The following TET2 variants were observed in gnomAD, a reference collection of about 807,000 sequenced individuals.
TET2 encodes methylcytosine dioxygenase TET2.
Under a neutral mutation model 142.9 loss-of-function variants are expected in TET2, and 299 were observed. The observed-to-expected ratio is 2.09, with a 90% CI of 1.90 to 2.30. The LOEUF is 2.30. Ranked by LOEUF, TET2 falls within the 30% of genes most tolerant of loss-of-function variation. The pLI is 0.00. For synonymous variants in TET2, 819 were observed against 849.0 expected (o/e 0.96, Z 0.61); for missense variants, 2,418 against 2,378.0 (o/e 1.02, Z -0.35).
At chr4:105,197,555 G>C (rs1031454684) in intron 2 of TET2, among the ~76,000 whole-genome samples, 1 of 152,178 alleles carries the variant, frequency 6.6e-6, no homozygotes, top group Non-Finnish European at 1.5e-5. Context: ...ATGTGGCTGA[G>C]AATGGATGCA....
intron 3 of TET2, chr4:105,240,972 CAGTTA>C (rs765873568): frequency 1.6e-4 from 178 of 1,084,100 alleles, no homozygotes; most frequent in Non-Finnish European, 1.7e-4. Context: ...GGTAGGCTTC[CAGTTA>C]GCTTTAAATG....
rs1728879662 is a variant in TET2 at position 105,236,160 on chromosome 4, C to T, written c.2218C>T (p.Gln740Ter). Residue 740 changes from glutamine (Q) to a stop codon, truncating the protein, a stop_gained, in exon 3 of 11, where the codon CAA becomes TAA. Coordinates refer to ENST00000380013, the MANE Select transcript of TET2 (RefSeq NM_001127208.3). LOFTEE classifies it high-confidence loss of function. ...TQPSQSSHLP[Q>*]NQQQQQKLQI... is the part of the protein sequence containing the mutation. ...ACCATCCCAGAGTTCACATCTCCCTCAAAACCAGCAACAGCAGCAAAAATT... is the reference window on the plus strand; with the variant it reads ...ACCATCCCAGAGTTCACATCTCCCTTAAAACCAGCAACAGCAGCAAAAATT... 2 of 1,614,074 alleles carry T rather than the reference C, an allele frequency of 1.2e-6. No individual in the cohort carries two copies. Among genetic ancestry groups the T allele is most frequent in the Non-Finnish European group, 1.7e-6 (2 of 1,179,990 alleles).
intron 8 of TET2, among the ~76,000 whole-genome samples, chr4:105,262,236 A>G (rs1730471116): frequency 2.0e-5 from 3 of 152,224 alleles, no homozygotes; most frequent in African/African-American, 7.2e-5. Flanking sequence ...GAATTTATAG[A>G]CTTACAAATA....
chr4:105,198,997 G>A lies in TET2; in HGVS notation c.-47+8492G>A, dbSNP rs1286837074. On this transcript the variant is annotated intron_variant, in intron 2 of 10. Coordinates refer to ENST00000380013, the MANE Select transcript of TET2 (RefSeq NM_001127208.3). ...ATTAAATGTGTTGCAGTTGAGAGTTGTGAGGTTTTAGCTATTTGGAAACTT... is the reference window on the plus strand; with the variant it reads ...ATTAAATGTGTTGCAGTTGAGAGTTATGAGGTTTTAGCTATTTGGAAACTT... Among the ~76,000 whole-genome samples, 3 of 152,210 alleles carry A rather than the reference G, an allele frequency of 2.0e-5. No homozygotes were observed. In the East Asian group the frequency reaches 5.8e-4, roughly 29 times the overall value.
chr4:105,224,684 GTCTCTCTC>G (rs34870510), intron 2 of TET2, among the ~76,000 whole-genome samples: 3,355 of 108,138 alleles, frequency 0.031, 148 homozygotes, highest in East Asian at 0.19. Context: ...ATATCAGCCA[GTCTCTCTC>G]TCTCTCTCTC....
intron 1 of TET2, among the ~76,000 whole-genome samples, chr4:105,166,679 T>G (rs1337462940): frequency 6.6e-6 from 1 of 152,060 alleles, no homozygotes; most frequent in Non-Finnish European, 1.5e-5. Flanking sequence ...CCAAAATGCC[T>G]TATATTTTTC....
chr4:105,207,669 G>C (rs1221922770), intron 2 of TET2, among the ~76,000 whole-genome samples: 1 of 152,156 alleles, frequency 6.6e-6, no homozygotes, highest in Non-Finnish European at 1.5e-5. Flanking sequence ...CTATACTGCT[G>C]TGGAAGTCAT....
chr4:105,211,490 G>A (rs1727158287), intron 2 of TET2, among the ~76,000 whole-genome samples: 1 of 152,166 alleles, frequency 6.6e-6, no homozygotes, highest in African/African-American at 2.4e-5. Context: ...CCCCTGAGGT[G>A]ACCAGCATTT....
At chr4:105,216,703 C>T (rs1289276954) in intron 2 of TET2, among the ~76,000 whole-genome samples, 1 of 151,882 alleles carries the variant, frequency 6.6e-6, no homozygotes, top group East Asian at 1.9e-4. Context: ...TGTTTTTGTT[C>T]TATGAAAAAT....
intron 7 of TET2, among the ~76,000 whole-genome samples, chr4:105,261,069 A>G (rs1292457501): frequency 6.6e-6 from 1 of 151,918 alleles, no homozygotes; most frequent in East Asian, 1.9e-4. Context: ...ATGTCTCACA[A>G]CTTTTTTTTT....
In TET2 at chr4:105,236,125, C is replaced by T. The variant is rs1728875811; in HGVS notation, c.2183C>T (p.Ala728Val). 6.2e-7 allele frequency: 1 copy of T among 1,614,138 alleles called. No individual in the cohort carries two copies. Among genetic ancestry groups the T allele is most frequent in the South Asian group, 1.1e-5 (1 of 91,080 alleles). The stretch of plus-strand genomic sequence containing the variant: ...CAACATAAGCCTCATAAACAGGCAG[C>T]ACAAACACAACCATCCCAGAGTTCA... ...LLQHKPHKQAAQTQPSQSSHL... is the reference protein window; with the variant it reads ...LLQHKPHKQAVQTQPSQSSHL... The change falls in exon 3 of 11, where the codon GCA (alanine) becomes GTA (valine). Residue 728 changes from alanine to valine, a missense_variant. Physicochemically the swap from Ala to Val is moderately conservative, Grantham distance 64. Coordinates refer to ENST00000380013, the MANE Select transcript of TET2 (RefSeq NM_001127208.3).
At chr4:105,271,406 T>C (rs1498125) in intron 9 of TET2, among the ~76,000 whole-genome samples, 26,405 of 152,058 alleles carry the variant, frequency 0.17, 2,525 homozygotes, top group Middle Eastern at 0.26. Context: ...TCCAGGAAGG[T>C]GACAGAGAGT....
chr4:105,151,637 C>G lies in TET2; in HGVS notation c.-193+4658C>G, dbSNP rs1315492096. Among the ~76,000 whole-genome samples the G allele has an allele frequency of 7.2e-5, 11 of 151,966 alleles. No homozygotes were observed. In the East Asian group the frequency reaches 1.5e-3, roughly 21 times the overall value. Reference sequence around the variant, plus strand: ...ATCACTTGAGGCCAGAAGTTCTAGACCAGCCTGGGCAACATAGTGAGATAC... The same window carrying G: ...ATCACTTGAGGCCAGAAGTTCTAGAGCAGCCTGGGCAACATAGTGAGATAC... On this transcript the variant is annotated intron_variant, in intron 1 of 10. Transcript: ENST00000380013.
intron 2 of TET2, among the ~76,000 whole-genome samples, chr4:105,191,035 T>TTTTTAC (rs1160632818): frequency 2.6e-5 from 4 of 152,174 alleles, no homozygotes; most frequent in Non-Finnish European, 5.9e-5. Context: ...CAGGAGCAGC[T>TTTTTAC]ATGTGATTTT....
chr4:105,234,983 G>T lies in TET2; in HGVS notation c.1041G>T (p.Ala347=), dbSNP rs113631626. The T allele has an allele frequency of 6.2e-7, 1 of 1,613,976 alleles. No individual in the cohort carries two copies. Among genetic ancestry groups the T allele is most frequent in the Non-Finnish European group, 8.5e-7 (1 of 1,179,970 alleles). Residue 347 remains alanine, a synonymous_variant, in exon 3 of 11, where the codon GCG becomes GCT. Transcript: ENST00000380013. ...ENNIQGTTKL[A]SGEEFCSGSS... Reference sequence around the variant, plus strand: ...ACATCCAGGGAACCACAAAGCTAGCGTCTGGTGAAGAATTCTGTTCAGGTT... The same window carrying T: ...ACATCCAGGGAACCACAAAGCTAGCTTCTGGTGAAGAATTCTGTTCAGGTT...
At chr4:105,182,874 T>TTAGCTCATA (rs1257955499) in intron 1 of TET2, among the ~76,000 whole-genome samples, 2 of 152,170 alleles carry the variant, frequency 1.3e-5, no homozygotes, top group African/African-American at 4.8e-5. Context: ...TCTTTAAACC[T>TTAGCTCATA]TAGCTCATAT....
intron 3 of TET2, chr4:105,237,808 G>C: frequency 5.4e-6 from 6 of 1,114,768 alleles, no homozygotes; most frequent in Non-Finnish European, 6.7e-6. Context: ...CTGGCTAATA[G>C]GGAAATTATT....
intron 2 of TET2, among the ~76,000 whole-genome samples, chr4:105,213,245 T>C (rs539180683): frequency 7.0e-4 from 106 of 152,296 alleles, no homozygotes; most frequent in Non-Finnish European, 1.2e-3. Flanking sequence ...TGATATAACC[T>C]GCTGAAGTTT....
rs768325526 is a variant in TET2 at position 105,278,390 on chromosome 4, C to A, written c.*1871C>A. 1 of 213,426 alleles carries A rather than the reference C, an allele frequency of 4.7e-6. No individual in the cohort carries two copies. Among genetic ancestry groups the A allele is most frequent in the African/African-American group, 2.3e-5 (1 of 43,356 alleles). 13.2% of individuals were successfully genotyped at this position (213,426 alleles called of 1,614,324 possible). On this transcript the variant is annotated 3_prime_UTR_variant, in exon 11 of 11. Coordinates refer to ENST00000380013, the MANE Select transcript of TET2 (RefSeq NM_001127208.3). ...TGTGTACCATCATTTTTTTCCAAGTCCTTTTTTTTATTGTTAAAAAAAAAA... is the reference window on the plus strand; with the variant it reads ...TGTGTACCATCATTTTTTTCCAAGTACTTTTTTTTATTGTTAAAAAAAAAA...
Sources: allele counts gnomAD v4.1 joint callset (sites outside exome capture counted in the v4.1 genomes callset), GRCh38; gene constraint gnomAD v4.1.1; transcripts MANE v1.5; gene names NCBI Gene and HGNC (gene_info 2026-07-23, HGNC 2026-07-21).